Variants in STK32B observed in about 807,000 individuals in gnomAD.
STK32B encodes the protein serine/threonine kinase 32B.
In STK32B, 43 loss-of-function variants were observed where a neutral mutation model predicts 52.6. The ratio of observed to expected loss-of-function variants is 0.82; its 90% confidence interval spans 0.64 to 1.05. The LOEUF is 1.05. Ranked by LOEUF, STK32B falls within the 50% of genes least tolerant of loss-of-function variation. STK32B has a pLI of 0.00. For missense variants in STK32B, 621 were observed against 534.6 expected, an observed-to-expected ratio of 1.16 and a Z score of -1.59; for synonymous variants, 238 against 204.3, an observed-to-expected ratio of 1.17 and a Z score of -1.41.
chr4:5,274,813 GC>G (rs755174388), intron 3 of STK32B, among the ~76,000 whole-genome samples: 20 of 152,060 alleles, frequency 1.3e-4, no homozygotes, highest in Non-Finnish European at 2.8e-4. Context: ...ACTGCTGTTT[GC>G]CGCGGTTGCA....
At position 5,339,422 on chromosome 4, in the gene STK32B, A is replaced by G. The variant is rs576955912; in HGVS notation, c.434+8029A>G. ...GTCAGCGTTTTTTACCTCCTTTCTT[A>G]TGGTTCATAAATCCCCCTTTCAATG... is the stretch of plus-strand genomic sequence containing the variant. On this transcript the variant is annotated intron_variant, in intron 4 of 11. Coordinates refer to ENST00000282908, the MANE Select transcript of STK32B (RefSeq NM_018401.3). Among the ~76,000 whole-genome samples the G allele has an allele frequency of 2.6e-5, 4 of 152,256 alleles. No individual in the cohort carries two copies. The South Asian group carries it at 8.3e-4, about 32-fold the overall frequency.
intron 9 of STK32B, among the ~76,000 whole-genome samples, chr4:5,463,565 T>C (rs1489907261): frequency 1.3e-5 from 2 of 151,604 alleles, no homozygotes; most frequent in Non-Finnish European, 2.9e-5. Context: ...CTCACACACA[T>C]ACCTACTCAT....
chr4:5,100,473 CTT>C (rs1713672469), intron 1 of STK32B, among the ~76,000 whole-genome samples: 1 of 143,466 alleles, frequency 7.0e-6, no homozygotes, highest in Admixed American at 7.1e-5. Context: ...TTCATTCCTT[CTT>C]TCTTTCCTTC....
rs776205066 is a variant in STK32B at position 5,168,333 on chromosome 4, T to G, written c.143T>G (p.Met48Arg). Residue 48 changes from methionine to arginine, a missense_variant, in exon 3 of 12, where the codon ATG becomes AGG. Coordinates refer to ENST00000282908, the MANE Select transcript of STK32B (RefSeq NM_018401.3). ...CIVQKRDTKK[M>R]YAMKYMNKQK... ...GTGCAGAAGCGAGACACTAAGAAAA[T>G]GTATGCAATGAAGTACATGAACAAG... is the stretch of plus-strand genomic sequence containing the variant. 3 of 1,613,606 alleles carry G rather than the reference T, an allele frequency of 1.9e-6. No individual in the cohort carries two copies. The African/African-American group carries it at 4.0e-5, about 22-fold the overall frequency.
chr4:5,205,701 CGCGT>C (rs1355493408), intron 3 of STK32B, among the ~76,000 whole-genome samples: 16 of 74,360 alleles, frequency 2.2e-4, no homozygotes, highest in African/African-American at 4.3e-4. Context: ...CAGGCGCGCG[CGCGT>C]GTGTGTGTGT....
intron 4 of STK32B, among the ~76,000 whole-genome samples, chr4:5,343,943 T>C (rs1733277416): frequency 6.6e-6 from 1 of 152,328 alleles, no homozygotes; most frequent in East Asian, 1.9e-4. Flanking sequence ...TATGTAGTCA[T>C]GATTCTTTTA....
At chr4:5,435,218 G>T (rs1560408027) in intron 6 of STK32B, among the ~76,000 whole-genome samples, 2 of 152,200 alleles carry the variant, frequency 1.3e-5, no homozygotes, top group Non-Finnish European at 2.9e-5. Context: ...TGTTGTTGTT[G>T]TTTCATGGAA....
intron 2 of STK32B, among the ~76,000 whole-genome samples, chr4:5,166,104 G>A (rs191710280): frequency 4.7e-5 from 7 of 149,496 alleles, no homozygotes; most frequent in Admixed American, 1.3e-4. Context: ...GATTTGCAAC[G>A]TGTCAGAGCT....
chr4:5,409,870 G>T (rs1459293647), intron 5 of STK32B, among the ~76,000 whole-genome samples: 2 of 151,958 alleles, frequency 1.3e-5, no homozygotes, highest in Non-Finnish European at 2.9e-5. Flanking sequence ...AAATTAAATG[G>T]AACAGAAAAA....
chr4:5,231,875 G>A (rs1724296978), intron 3 of STK32B, among the ~76,000 whole-genome samples: 2 of 152,090 alleles, frequency 1.3e-5, no homozygotes, highest in Non-Finnish European at 2.9e-5. Context: ...AGGTGGGGAG[G>A]AAGGATTAGC....
intron 3 of STK32B, among the ~76,000 whole-genome samples, chr4:5,313,790 A>G (rs1257453512): frequency 3.9e-5 from 6 of 152,160 alleles, no homozygotes; most frequent in Admixed American, 1.3e-4. Context: ...ATTTCTGTAT[A>G]CTGACAACGA....
chr4:5,369,525 G>T (rs1237017428), intron 4 of STK32B, among the ~76,000 whole-genome samples: 2 of 152,162 alleles, frequency 1.3e-5, no homozygotes, highest in African/African-American at 4.8e-5. Flanking sequence ...CTTGCAGGCA[G>T]CTCTGATGTC....
chr4:5,361,047 G>A (rs111272221), intron 4 of STK32B, among the ~76,000 whole-genome samples: 37 of 152,284 alleles, frequency 2.4e-4, no homozygotes, highest in African/African-American at 7.2e-4. Flanking sequence ...ATGGGTACTA[G>A]GTACTTCATA....
intron 1 of STK32B, among the ~76,000 whole-genome samples, chr4:5,126,040 C>T (rs146476281): frequency 1.5e-3 from 229 of 152,282 alleles, no homozygotes; most frequent in African/African-American, 5.3e-3. Flanking sequence ...TGCTTCTACA[C>T]CTCGGTCAAA....
At chr4:5,162,399 A>C (rs546413573) in intron 2 of STK32B, among the ~76,000 whole-genome samples, 2 of 152,278 alleles carry the variant, frequency 1.3e-5, no homozygotes, top group African/African-American at 4.8e-5. Flanking sequence ...CAGCGCCCGG[A>C]ATATACTGTA....
At chr4:5,275,400 C>T (rs1033089155) in intron 3 of STK32B, among the ~76,000 whole-genome samples, 7 of 152,128 alleles carry the variant, frequency 4.6e-5, no homozygotes, top group African/African-American at 7.2e-5. Context: ...TTAAAACTGC[C>T]ACTAATCAAT....
At chr4:5,486,498 T>G (rs778367665) in intron 11 of STK32B, among the ~76,000 whole-genome samples, 1 of 152,188 alleles carries the variant, frequency 6.6e-6, no homozygotes, top group Non-Finnish European at 1.5e-5. Context: ...TTTCTTTGAC[T>G]AGGAAAGGGA....
chr4:5,456,909 GC>G lies in STK32B; in HGVS notation c.772del (p.Leu258CysfsTer2). 6.4e-7 allele frequency: 1 copy of G among 1,562,706 alleles called. No homozygotes were observed. Among genetic ancestry groups the G allele is most frequent in the Non-Finnish European group, 8.7e-7 (1 of 1,152,196 alleles). ...YSSTWCKGMV[A>X]LLRKLLTKDP... The stretch of plus-strand genomic sequence containing the variant: ...CTCCACGTGGTGCAAGGGGATGGTG[GC>G]CCTGCTGAGGAAGGTAAGGGGGCAG... On this transcript the variant is annotated frameshift_variant, in exon 8 of 12. Transcript: ENST00000282908. LOFTEE classifies it high-confidence loss of function.
chr4:5,443,219 C>A (rs1395285441), intron 6 of STK32B, among the ~76,000 whole-genome samples: 1 of 147,312 alleles, frequency 6.8e-6, no homozygotes, highest in Non-Finnish European at 1.5e-5. Context: ...TGGTTCCATT[C>A]TCCCCATCAC....
Sources: allele counts gnomAD v4.1 joint callset (sites outside exome capture counted in the v4.1 genomes callset), GRCh38; gene constraint gnomAD v4.1.1; transcripts MANE v1.5; gene names NCBI Gene and HGNC (gene_info 2026-07-23, HGNC 2026-07-21).